CLSPN: variants seen among roughly 807,000 people sequenced by gnomAD.
CLSPN encodes the protein claspin homolog.
Under a neutral mutation model 156.3 loss-of-function variants are expected in CLSPN, and 85 were observed. The observed-to-expected ratio is 0.54, with a 90% CI of 0.46 to 0.65. The LOEUF (loss-of-function observed/expected upper bound fraction) is 0.65. CLSPN is among the 30% of genes least tolerant of loss of function. CLSPN has a pLI of 0.00. For synonymous variants in CLSPN, 534 were observed against 542.4 expected, an observed-to-expected ratio of 0.98 and a Z score of 0.22; for missense variants, 1,407 against 1,554.9, an observed-to-expected ratio of 0.90 and a Z score of 1.60.
intron 24 of CLSPN, 53 bp from the exon 25 acceptor site, chr1:35,736,659 T>C: frequency 1.3e-6 from 2 of 1,546,004 alleles, no homozygotes; most frequent in Admixed American, 4.3e-5. Context: ...TACAAGTATT[T>C]ACCTTCAATT....
exon 25 of CLSPN, chr1:35,720,956 A>G: frequency 6.2e-7 from 1 of 1,611,384 alleles, no homozygotes; most frequent in Non-Finnish European, 8.5e-7. Flanking sequence ...CAGGTGAGCC[A>G]GTCAGAGTCC....
intron 20 of CLSPN, 65 bp downstream of exon 20, chr1:35,739,071 T>A (rs1641593487): frequency 1.9e-6 from 3 of 1,594,730 alleles, no homozygotes; most frequent in Non-Finnish European, 8.6e-7. Context: ...AGTGTTGGGA[T>A]TACAGGCGTG....
chr1:35,769,763 G>A, intron 1 of CLSPN, 84 bp downstream of exon 1: 1 of 1,368,850 alleles, frequency 7.3e-7, no homozygotes, highest in Non-Finnish European at 9.7e-7. Context: ...GGCGCCTCGG[G>A]TCAGCGGGGT....
chr1:35,765,876 T>C (rs1362222926), intron 1 of CLSPN, among the ~76,000 whole-genome samples: 1 of 151,914 alleles, frequency 6.6e-6, no homozygotes, highest in Admixed American at 6.6e-5. Flanking sequence ...TAGATCTAAC[T>C]AGCAAGTTAT....
chr1:35,754,060 C>T, intron 8 of CLSPN, 124 bp from the exon 9 acceptor site: 1 of 756,552 alleles, frequency 1.3e-6, no homozygotes, highest in Non-Finnish European at 2.1e-6. Flanking sequence ...ACAGAGAAAC[C>T]AAAAACCCCT....
chr1:35,741,562 C>A (rs1040561892), intron 18 of CLSPN, among the ~76,000 whole-genome samples: 4 of 152,156 alleles, frequency 2.6e-5, no homozygotes, highest in Non-Finnish European at 4.4e-5. Context: ...GTGATCCACC[C>A]GCCTCAGCTT....
chr1:35,744,183 T>C (rs1448087023), intron 16 of CLSPN, among the ~76,000 whole-genome samples: 11 of 152,202 alleles, frequency 7.2e-5, no homozygotes, highest in Non-Finnish European at 1.5e-4. Flanking sequence ...CTACCTTCTG[T>C]CTCTATGCAT....
Position 35,746,977 on chromosome 1 carries a change from T to G in CLSPN, c.2643A>C (p.Arg881Ser). 1 of 1,613,864 alleles carries G rather than the reference T, an allele frequency of 6.2e-7. No individual in the cohort carries two copies. The highest frequency in any genetic ancestry group is 8.5e-7 in the Non-Finnish European group (1 of 1,179,792). The part of the protein sequence containing the change: ...LLDADGFLNV[R>S]NHRNQYQALK... The stretch of plus-strand genomic sequence containing the variant: ...AAGCTTGGTACTGATTCCTGTGGTT[T>G]CTAACATTTAAGAACCTAAGAACCA... Residue 881 changes from arginine to serine, a missense_variant, in exon 15 of 25, where the codon AGA (arginine) becomes AGC (serine). Physicochemically the swap from Arg to Ser is moderately radical, Grantham distance 110. This residue lies in a region of CLSPN where 1,096 missense variants were observed against 1,193.0 expected (regional missense o/e 0.92). Coordinates refer to ENST00000318121, the MANE Select transcript of CLSPN (RefSeq NM_022111.4). This position sits in a 1 kb window ranked among gnomAD's most constrained non-coding sequence, Gnocchi z 4.2.
chr1:35,765,234 T>C lies in CLSPN; in HGVS notation c.117A>G (p.Gly39=), dbSNP rs755807296. 6.2e-7 allele frequency: 1 copy of C among 1,611,616 alleles called. No individual in the cohort carries two copies. The highest frequency in any genetic ancestry group is 8.5e-7 in the Non-Finnish European group (1 of 1,177,982). ...DSGQGSYETI[G]PLSEGDSDEE... ...ATTACAAACCTCCTTCACTCAAGGG[T>C]CCAATTGTTTCATAGCTGCCCTGTC... The change falls in exon 2 of 25, where the codon GGA becomes GGG. Residue 39 remains glycine (G), a synonymous_variant. Coordinates refer to ENST00000318121, the MANE Select transcript of CLSPN (RefSeq NM_022111.4).
In CLSPN at chr1:35,748,006, T is replaced by G. The variant is rs550864534; in HGVS notation, c.2528A>C (p.Tyr843Ser). Residue 843 changes from tyrosine to serine, a missense_variant, in exon 14 of 25, where the codon TAT (tyrosine) becomes TCT (serine). Around this residue, in one of 3 missense-constraint regions of CLSPN, gnomAD observed 1,096 missense variants for 1,193.0 expected, o/e 0.92. Coordinates refer to ENST00000318121, the MANE Select transcript of CLSPN (RefSeq NM_022111.4). Reference sequence around the variant, plus strand: ...TGTCTTAGGCTCTGGGGAGGCGTTATACAGATCCTGGGAATCCTCTATGGG... The same window carrying G: ...TGTCTTAGGCTCTGGGGAGGCGTTAGACAGATCCTGGGAATCCTCTATGGG... ...SLPIEDSQDL[Y>S]NASPEPKTLF... 4.3e-6 allele frequency: 7 copies of G among 1,614,214 alleles called. No homozygotes were observed. The East Asian group carries it at 1.6e-4, about 36-fold the overall frequency.
intron 1 of CLSPN, among the ~76,000 whole-genome samples, chr1:35,768,227 G>C (rs1339545313): frequency 6.6e-6 from 1 of 152,074 alleles, no homozygotes; most frequent in Non-Finnish European, 1.5e-5. Context: ...AATTAGCTGG[G>C]CGTGGTGGTG....
chr1:35,735,380 C>T lies in CLSPN; in HGVS notation c.*1116G>A. On this transcript the variant is annotated 3_prime_UTR_variant, in exon 25 of 25. Coordinates refer to ENST00000318121, the MANE Select transcript of CLSPN (RefSeq NM_022111.4). ...GAAAGGGGTAAGAGTAATACAGCAG[C>T]CCATCTGTTGGTTCCTAGGTCCTCC... 1 of 985,372 alleles carries T rather than the reference C, an allele frequency of 1.0e-6. No homozygotes were observed. The highest frequency in any genetic ancestry group is 5.2e-4 in the Middle Eastern group (1 of 1,914). The allele number at this position is 985,372 out of a possible 1,614,324, so 61.0% of individuals were successfully genotyped here.
rs542532839 is a variant in CLSPN at position 35,743,136 on chromosome 1, C to T, written c.3143+5G>A. ...TGAAGGAATGGACATATTAATAACA[C>T]GTACATTTGCCTTTTCAACTTCTCA... On this transcript the variant is annotated splice_donor_5th_base_variant and intron_variant, in intron 18 of 24. Transcript: ENST00000318121. 4.9e-5 allele frequency: 79 copies of T among 1,605,798 alleles called. No homozygotes were observed. The South Asian group carries it at 5.6e-4, about 11-fold the overall frequency.
At position 35,738,073 on chromosome 1, in the gene CLSPN, C is replaced by T; in HGVS notation, c.3583G>A (p.Glu1195Lys). The T allele has an allele frequency of 7.1e-7, 1 of 1,417,468 alleles. No individual in the cohort carries two copies. The highest frequency in any genetic ancestry group is 9.4e-7 in the Non-Finnish European group (1 of 1,068,156). 87.8% of individuals were successfully genotyped at this position (1,417,468 alleles called of 1,614,324 possible). A position where few individuals can be genotyped will look rare whatever the true frequency, so the allele number is the denominator to read the frequency against. Residue 1195 changes from glutamate to lysine, a missense_variant, in exon 22 of 25, where the codon GAA becomes AAA. Transcript: ENST00000318121. ...TCCTCCCCAATTTCTTCTTCTTCTT[C>T]AGCTGTAATTTTCCCCTGCTGTGCC... ...DMAQQGKITAEEEEEIGEDSQ... is the reference protein window; with the variant it reads ...DMAQQGKITAKEEEEIGEDSQ...
intron 8 of CLSPN, among the ~76,000 whole-genome samples, chr1:35,758,175 T>TG (rs201168701): frequency 0.029 from 4,127 of 143,914 alleles, 190 homozygotes; most frequent in African/African-American, 0.1. Flanking sequence ...TTTTTTGTGT[T>TG]TTTTTTTTTT....
intron 5 of CLSPN, 28 bp from the exon 6 acceptor site, chr1:35,762,098 A>G: frequency 1.4e-6 from 2 of 1,445,812 alleles, no homozygotes; most frequent in Non-Finnish European, 1.9e-6. Context: ...GTGAGACTAC[A>G]TTAATTATAT....
At chr1:35,749,390 T>TA in intron 12 of CLSPN, 77 bp downstream of exon 12, 1 of 1,336,970 alleles carries the variant, frequency 7.5e-7, no homozygotes, top group Non-Finnish European at 1.1e-6. Flanking sequence ...CATGGAAACT[T>TA]ACCGTACTGC....
chr1:35,720,672 T>TC (rs1268102673), exon 25 of CLSPN: 2 of 317,534 alleles, frequency 6.3e-6, no homozygotes, highest in East Asian at 1.3e-4. Flanking sequence ...GGTCTTGATC[T>TC]CCTGACCTTG....
chr1:35,765,893 TAGAG>T (rs1642653759), intron 1 of CLSPN, among the ~76,000 whole-genome samples: 1 of 151,714 alleles, frequency 6.6e-6, no homozygotes, highest in South Asian at 2.1e-4. Flanking sequence ...TTATAGGAAA[TAGAG>T]GGAATAGGGG....
Sources: gnomAD v4.1 joint callset for allele counts (sites outside exome capture counted in the v4.1 genomes callset) on GRCh38, gnomAD v4.1.1 for gene constraint, gnomAD v4.1.1 regional missense constraint, Gnocchi (gnomAD v3.1) non-coding constraint, MANE v1.5 for transcripts, NCBI Gene and HGNC (gene_info 2026-07-23, HGNC 2026-07-21) for gene names.